ANKHD1: variants seen among roughly 807,000 people sequenced by gnomAD.
The protein encoded by ANKHD1 is ankyrin repeat and KH domain-containing protein 1.
A neutral mutation model predicts 230.5 loss-of-function variants in ANKHD1; 31 were observed. The ratio of observed to expected loss-of-function variants is 0.13; its 90% CI spans 0.10 to 0.18. The LOEUF (loss-of-function observed/expected upper bound fraction) is 0.18, where lower values mean the gene tolerates loss of function less well. Ranked by LOEUF, ANKHD1 falls within the 10% of genes least tolerant of loss-of-function variation. The pLI is 1.00. For synonymous variants in ANKHD1, 1,074 were observed against 1,117.6 expected (o/e 0.96, Z 0.78); for missense variants, 2,256 against 3,071.3 (o/e 0.73, Z 6.27).
At chr5:140,533,364 C>T (rs1753921823) in intron 29 of ANKHD1, among the ~76,000 whole-genome samples, 2 of 152,014 alleles carry the variant, frequency 1.3e-5, no homozygotes, top group African/African-American at 2.4e-5. Context: ...TTTGGGAGGC[C>T]GAGGCGGGCA....
At chr5:140,538,327 A>G in intron 32 of ANKHD1, 66 bp downstream of exon 32, 1 of 1,563,326 alleles carries the variant, frequency 6.4e-7, no homozygotes, top group Non-Finnish European at 8.7e-7. Context: ...ACATTAAGGA[A>G]TACCTTGTAT....
Position 140,417,429 on chromosome 5 carries a change from AT to A in ANKHD1, c.306+15162del, listed in dbSNP as rs1241308336. Among the ~76,000 whole-genome samples, 9 of 151,512 alleles carry A rather than the reference AT, an allele frequency of 5.9e-5. No homozygotes were observed. The East Asian group carries it at 7.7e-4, about 13-fold the overall frequency. ...AATTAAACATTTTTTTAATTAAAAA[AT>A]TTTTTAATTTAAAATTTTTAATTTA... On this transcript the variant is annotated intron_variant, in intron 1 of 33. Coordinates refer to ENST00000360839, the MANE Select transcript of ANKHD1 (RefSeq NM_017747.3).
At chr5:140,413,195 A>G (rs1345795582) in intron 1 of ANKHD1, among the ~76,000 whole-genome samples, 18 of 152,204 alleles carry the variant, frequency 1.2e-4, no homozygotes, top group Admixed American at 1.2e-3. Context: ...AAAATTTACA[A>G]TGAGGACAAT....
intron 1 of ANKHD1, among the ~76,000 whole-genome samples, chr5:140,433,043 C>T (rs948021942): frequency 5.3e-5 from 8 of 150,768 alleles, no homozygotes. Context: ...CATCTCCAAG[C>T]CCCACCCCCT....
intron 1 of ANKHD1, among the ~76,000 whole-genome samples, chr5:140,409,009 C>G (rs1308451764): frequency 1.3e-5 from 2 of 151,878 alleles, no homozygotes; most frequent in African/African-American, 4.9e-5. Context: ...TGGCCTCTAC[C>G]CACTAGATGC....
At chr5:140,491,154 A>AT (rs1561793649) in intron 14 of ANKHD1, among the ~76,000 whole-genome samples, 12 of 98,154 alleles carry the variant, frequency 1.2e-4, no homozygotes, top group African/African-American at 4.9e-4. Flanking sequence ...ATATATATAT[A>AT]TATATATTTT....
Position 140,505,094 on chromosome 5 carries a change from A to T in ANKHD1, c.3151-28A>T, listed in dbSNP as rs770869954. 54 of 1,604,620 alleles carry T rather than the reference A, an allele frequency of 3.4e-5. 1 individual carries two copies. The Middle Eastern group carries it at 3.7e-3, about 109-fold the overall frequency. ...AAATTGATAACTTCTGTTAAAAAAA[A>T]TTTTAACTTATTTTTTTCTTCTCCT... On this transcript the variant is annotated intron_variant, in intron 16 of 33. Transcript: ENST00000360839.
intron 10 of ANKHD1, among the ~76,000 whole-genome samples, chr5:140,475,605 G>A (rs564132298): frequency 2.6e-4 from 40 of 152,256 alleles, no homozygotes; most frequent in African/African-American, 3.4e-4. Flanking sequence ...GCAAATTGTC[G>A]TTAATGGAAG....
chr5:140,513,331 A>ATT (rs779327800), intron 23 of ANKHD1, 32 bp from the exon 24 acceptor site: 1 of 1,572,904 alleles, frequency 6.4e-7, no homozygotes, highest in Non-Finnish European at 8.6e-7. Context: ...CTCTTTCATT[A>ATT]TATATTTACA....
chr5:140,513,065 A>C (rs1046913993), intron 23 of ANKHD1, 142 bp downstream of exon 23: 1 of 779,772 alleles, frequency 1.3e-6, no homozygotes, highest in African/African-American at 1.8e-5. Flanking sequence ...CATTTGCAAA[A>C]TAGAGGGGTA....
At chr5:140,522,358 A>T (rs12522286) in intron 24 of ANKHD1, among the ~76,000 whole-genome samples, 68 of 152,300 alleles carry the variant, frequency 4.5e-4, no homozygotes, top group Admixed American at 2.0e-3. Context: ...CATTTTGTTT[A>T]TCTGTTTATC....
At chr5:140,443,584 G>A (rs923168023) in intron 5 of ANKHD1, among the ~76,000 whole-genome samples, 3 of 151,864 alleles carry the variant, frequency 2.0e-5, no homozygotes, top group Non-Finnish European at 2.9e-5. Flanking sequence ...CCAGCTACTC[G>A]GGAGGCTGAG....
chr5:140,500,121 G>A (rs541576183), intron 15 of ANKHD1, among the ~76,000 whole-genome samples: 15 of 152,012 alleles, frequency 9.9e-5, no homozygotes, highest in Admixed American at 3.3e-4. Context: ...CACCTGCATC[G>A]GCCTCTCAAA....
chr5:140,517,784 C>T (rs1192678238), intron 24 of ANKHD1, among the ~76,000 whole-genome samples: 380 of 136,638 alleles, frequency 2.8e-3, no homozygotes, highest in South Asian at 4.0e-3. Flanking sequence ...GGGACACATT[C>T]AAAGCAGTGT....
At chr5:140,410,497 T>C (rs894161582) in intron 1 of ANKHD1, among the ~76,000 whole-genome samples, 1 of 152,188 alleles carries the variant, frequency 6.6e-6, no homozygotes, top group Non-Finnish European at 1.5e-5. Flanking sequence ...TTTTAAACAG[T>C]TTTAGCCTTG....
chr5:140,520,475 C>G (rs1581368484), intron 24 of ANKHD1, among the ~76,000 whole-genome samples: 1 of 151,964 alleles, frequency 6.6e-6, no homozygotes, highest in East Asian at 1.9e-4. Context: ...AAGACACATG[C>G]ACACGTATGT....
intron 5 of ANKHD1, among the ~76,000 whole-genome samples, chr5:140,444,199 G>T (rs1774098813): frequency 6.7e-6 from 1 of 148,650 alleles, no homozygotes; most frequent in Admixed American, 6.9e-5. Context: ...CACTCTCCAT[G>T]TGGCCATTTC....
intron 1 of ANKHD1, among the ~76,000 whole-genome samples, chr5:140,421,296 C>CTTTTT (rs35408466): frequency 1.1e-5 from 1 of 94,526 alleles, no homozygotes; most frequent in African/African-American, 3.7e-5. Flanking sequence ...AGAGTTTTTA[C>CTTTTT]TTTTTTTTTT....
intron 7 of ANKHD1, among the ~76,000 whole-genome samples, chr5:140,450,297 ATTTT>A (rs5871736): frequency 1.5e-5 from 2 of 133,242 alleles, no homozygotes; most frequent in East Asian, 2.2e-4. Context: ...ACCTCTATCT[ATTTT>A]TTTTTTTTTT....
Sources: allele counts gnomAD v4.1 joint callset (sites outside exome capture counted in the v4.1 genomes callset), GRCh38; gene constraint gnomAD v4.1.1; transcripts MANE v1.5; gene names NCBI Gene and HGNC (gene_info 2026-07-23, HGNC 2026-07-21).